The following DGKG variants were observed in gnomAD, a reference collection of about 807,000 sequenced individuals.
DGKG encodes DAG kinase gamma.
In DGKG, 78 loss-of-function variants were observed where a neutral mutation model predicts 105.3. That is an observed-to-expected ratio of 0.74 (90% CI 0.62 to 0.89). The LOEUF (loss-of-function observed/expected upper bound fraction) is 0.89, where lower values mean the gene tolerates loss of function less well. Among genes scored for constraint, DGKG ranks in the 40% least tolerant of loss-of-function variants. The probability of loss-of-function intolerance (pLI) is 0.00; values close to 1 mark genes in which losing one functional copy is unlikely to be tolerated. For missense variants in DGKG, 958 were observed against 1,020.1 expected (o/e 0.94, Z 0.83); for synonymous variants, 346 against 367.1 (o/e 0.94, Z 0.66).
intron 3 of DGKG, among the ~76,000 whole-genome samples, chr3:186,300,827 A>G (rs1288111881): frequency 6.6e-6 from 1 of 152,244 alleles, no homozygotes; most frequent in East Asian, 1.9e-4. Flanking sequence ...CAAGATCAGC[A>G]TGAGATTCAG....
At chr3:186,222,661 G>C (rs1464434206) in intron 20 of DGKG, among the ~76,000 whole-genome samples, 1 of 151,966 alleles carries the variant, frequency 6.6e-6, no homozygotes, top group African/African-American at 2.4e-5. Flanking sequence ...TGGCCAACAT[G>C]GTGACACCCT....
chr3:186,251,627 T>G (rs936639043), intron 19 of DGKG, 132 bp downstream of exon 19: 2 of 1,003,206 alleles, frequency 2.0e-6, no homozygotes, highest in Non-Finnish European at 3.0e-6. Context: ...TTCAGAATGC[T>G]TGGACCCAAC....
intron 2 of DGKG, among the ~76,000 whole-genome samples, chr3:186,317,631 G>A (rs916980732): frequency 3.3e-5 from 5 of 152,092 alleles, no homozygotes; most frequent in Admixed American, 1.3e-4. Flanking sequence ...TCCTCTACCC[G>A]GAATGCCCTT....
intron 3 of DGKG, among the ~76,000 whole-genome samples, chr3:186,305,819 G>A (rs1473529530): frequency 2.0e-5 from 3 of 152,156 alleles, no homozygotes; most frequent in Admixed American, 2.0e-4. Context: ...GATGATGACT[G>A]CATAGTTTCA....
intron 2 of DGKG, among the ~76,000 whole-genome samples, chr3:186,316,469 T>C (rs1290779008): frequency 6.6e-6 from 1 of 152,250 alleles, no homozygotes; most frequent in Non-Finnish European, 1.5e-5. Context: ...TGGTTATCAC[T>C]GGAAAATAGA....
intron 10 of DGKG, among the ~76,000 whole-genome samples, chr3:186,273,358 G>A (rs1722413546): frequency 8.1e-6 from 1 of 123,388 alleles, no homozygotes; most frequent in Non-Finnish European, 1.7e-5. Flanking sequence ...TGGGGAGACT[G>A]TTGTACCCCT....
chr3:186,328,512 AT>A (rs1182964393), intron 1 of DGKG, among the ~76,000 whole-genome samples: 1 of 151,888 alleles, frequency 6.6e-6, no homozygotes, highest in Non-Finnish European at 1.5e-5. Flanking sequence ...TCATATTATC[AT>A]TATCATGGTT....
At chr3:186,261,198 G>C (rs984903140) in intron 15 of DGKG, among the ~76,000 whole-genome samples, 5 of 152,192 alleles carry the variant, frequency 3.3e-5, no homozygotes, top group Admixed American at 2.0e-4. Context: ...CCGGAATTGG[G>C]AGGCAGAGCT....
intron 22 of DGKG, among the ~76,000 whole-genome samples, chr3:186,172,468 C>A (rs963562625): frequency 2.0e-5 from 3 of 152,210 alleles, no homozygotes; most frequent in Admixed American, 6.5e-5. Context: ...AGGAAGCCTG[C>A]CCCATACCTT....
At chr3:186,192,559 C>G (rs114547298) in intron 21 of DGKG, among the ~76,000 whole-genome samples, 2 of 152,128 alleles carry the variant, frequency 1.3e-5, no homozygotes, top group African/African-American at 4.8e-5. Flanking sequence ...ATTGCTACCC[C>G]CAACTGACAG....
Position 186,167,203 on chromosome 3 carries a change from A to G in DGKG, c.2096-2185T>C, listed in dbSNP as rs1716588376. On this transcript the variant is annotated intron_variant, in intron 22 of 24. Transcript: ENST00000265022. The stretch of plus-strand genomic sequence containing the variant: ...TAGGGAAAGGGGCTAGGATCTTGGC[A>G]TACTGTTTGCCATCCTGCCTTTGAG... 2.0e-5 allele frequency among the ~76,000 whole-genome samples: 3 copies of G among 151,940 alleles called. No individual in the cohort carries two copies. In the South Asian group the frequency reaches 6.2e-4, roughly 31 times the overall value.
intron 1 of DGKG, among the ~76,000 whole-genome samples, chr3:186,321,459 T>C (rs1725071589): frequency 6.6e-6 from 1 of 152,198 alleles, no homozygotes; most frequent in Non-Finnish European, 1.5e-5. Flanking sequence ...TATACACCCA[T>C]GGTTATACTG....
intron 2 of DGKG, 38 bp from the exon 3 acceptor site, chr3:186,307,015 T>C (rs1724277231): frequency 3.5e-6 from 5 of 1,409,408 alleles, no homozygotes; most frequent in African/African-American, 1.4e-5. Flanking sequence ...CACTGGCAAA[T>C]AGCTAATGGA....
Position 186,272,318 on chromosome 3 carries a change from G to A in DGKG, c.936C>T (p.Arg312=). 2 of 1,613,840 alleles carry A rather than the reference G, an allele frequency of 1.2e-6. No homozygotes were observed. Among genetic ancestry groups the A allele is most frequent in the Non-Finnish European group, 1.7e-6 (2 of 1,179,738 alleles). ...AACCAGGAATGTTTCTGGACACACA[G>A]CGTTCGTGGACAGTGTATTTACAGT... ...CTYCKYTVHE[R]CVSRNIPGCV... Residue 312 remains arginine, a synonymous_variant, in exon 11 of 25, where the codon CGC becomes CGT. Coordinates refer to ENST00000265022, the MANE Select transcript of DGKG (RefSeq NM_001346.3).
At chr3:186,253,399 T>C (rs1488088562) in intron 17 of DGKG, among the ~76,000 whole-genome samples, 1 of 152,228 alleles carries the variant, frequency 6.6e-6, no homozygotes, top group Non-Finnish European at 1.5e-5. Context: ...TTGTATTTTA[T>C]ATTGAGCTAA....
At chr3:186,334,927 T>C (rs1725759365) in intron 1 of DGKG, among the ~76,000 whole-genome samples, 1 of 152,236 alleles carries the variant, frequency 6.6e-6, no homozygotes, top group African/African-American at 2.4e-5. Flanking sequence ...CATTGTCATT[T>C]GAATAAAGTA....
chr3:186,161,381 A>G (rs992031539), intron 24 of DGKG: 6 of 1,393,962 alleles, frequency 4.3e-6, no homozygotes, highest in East Asian at 2.8e-5. Flanking sequence ...GTCTCATTCA[A>G]TTTTGTGACC....
chr3:186,262,800 T>C (rs2268833), intron 14 of DGKG, among the ~76,000 whole-genome samples: 40,770 of 152,002 alleles, frequency 0.27, 5,528 homozygotes, highest in South Asian at 0.3. Context: ...CCATTCCATG[T>C]CCCGAAATGC....
At chr3:186,243,784 C>G (rs1453929807) in intron 19 of DGKG, among the ~76,000 whole-genome samples, 1 of 151,950 alleles carries the variant, frequency 6.6e-6, no homozygotes, top group East Asian at 1.9e-4. Context: ...GAAAAATATA[C>G]AAACCCATTT....
Sources: gnomAD v4.1 joint callset for allele counts (sites outside exome capture counted in the v4.1 genomes callset) on GRCh38, gnomAD v4.1.1 for gene constraint, MANE v1.5 for transcripts, NCBI Gene and HGNC (gene_info 2026-07-23, HGNC 2026-07-21) for gene names.